The following CAMTA1 variants were observed in gnomAD, a reference collection of about 807,000 sequenced individuals.
CAMTA1 encodes calmodulin binding transcription activator 1, also known as calmodulin-binding transcription activator 1.
A neutral mutation model predicts 170.9 loss-of-function variants in CAMTA1; 27 were observed. The observed-to-expected ratio is 0.16, with a 90% CI of 0.12 to 0.22. The LOEUF is 0.22. Ranked by LOEUF, CAMTA1 falls within the 10% of genes least tolerant of loss-of-function variation. The probability of loss-of-function intolerance (pLI) is 1.00; values close to 1 mark genes in which losing one functional copy is unlikely to be tolerated. For missense variants in CAMTA1, 1,619 were observed against 2,217.2 expected, an observed-to-expected ratio of 0.73 and a Z score of 5.42; for synonymous variants, 833 against 891.5, an observed-to-expected ratio of 0.93 and a Z score of 1.17.
In CAMTA1 at chr1:7,490,294, C is replaced by T. The variant is rs143731756; in HGVS notation, c.510+22393C>T. On this transcript the variant is annotated intron_variant, in intron 6 of 22. Coordinates refer to ENST00000303635, the MANE Select transcript of CAMTA1 (RefSeq NM_015215.4). ...GCAGTTAGGAATGTGCGGTCACTGC[C>T]GCGGGCATCGATTGCCCAGAACACA... Among the ~76,000 whole-genome samples, 12 of 152,290 alleles carry T rather than the reference C, an allele frequency of 7.9e-5. No individual in the cohort carries two copies. The East Asian group carries it at 2.1e-3, about 27-fold the overall frequency.
intron 4 of CAMTA1, among the ~76,000 whole-genome samples, chr1:7,104,126 CAT>C (rs36177234): frequency 0.55 from 63,056 of 115,544 alleles, 13,983 homozygotes; most frequent in South Asian, 0.64. Context: ...ACACAACACA[CAT>C]AACTACACAC....
intron 1 of CAMTA1, among the ~76,000 whole-genome samples, chr1:6,809,029 C>CTT (rs397979031): frequency 1.2e-4 from 17 of 141,342 alleles, no homozygotes; most frequent in Non-Finnish European, 2.2e-4. Flanking sequence ...TCTTCTTTTT[C>CTT]TTTTTTTTTT....
intron 5 of CAMTA1, among the ~76,000 whole-genome samples, chr1:7,363,366 A>G (rs994359720): frequency 2.0e-5 from 3 of 151,946 alleles, no homozygotes; most frequent in African/African-American, 4.8e-5. Context: ...ATATTACTTT[A>G]TCATCTTCCC....
At chr1:6,871,765 A>T (rs564590805) in intron 3 of CAMTA1, 55 of 1,534,940 alleles carry the variant, frequency 3.6e-5, no homozygotes, top group Non-Finnish European at 4.6e-5. Context: ...AGAGATCATG[A>T]TGCAGCCGTC....
rs138936446 is a variant in CAMTA1, at chr1:7,009,171, C to G, written c.235-82133C>G. Among the ~76,000 whole-genome samples, 18 of 152,378 alleles carry G rather than the reference C, an allele frequency of 1.2e-4. No individual in the cohort carries two copies. The East Asian group carries it at 3.5e-3, about 29-fold the overall frequency. On this transcript the variant is annotated intron_variant, in intron 3 of 22. Transcript: ENST00000303635. ...CCCTTCCCTTTCTGGGCCCCGTTTA[C>G]TCCTCAGAACAAGGCAGGCTCGGAC...
chr1:6,840,384 G>C (rs557523321), intron 3 of CAMTA1, among the ~76,000 whole-genome samples: 1 of 152,316 alleles, frequency 6.6e-6, no homozygotes, highest in South Asian at 2.1e-4. Context: ...ATCTTGGTAA[G>C]AAATGACGGT....
chr1:7,389,960 G>A (rs974420480), intron 5 of CAMTA1, among the ~76,000 whole-genome samples: 1 of 152,140 alleles, frequency 6.6e-6, no homozygotes, highest in Non-Finnish European at 1.5e-5. Context: ...TGCTATTTGT[G>A]TCCCCCGCCT....
chr1:7,545,878 C>A (rs921723521), intron 6 of CAMTA1, among the ~76,000 whole-genome samples: 1 of 152,058 alleles, frequency 6.6e-6, no homozygotes, highest in Non-Finnish European at 1.5e-5. Flanking sequence ...TGTTGTCCCC[C>A]CGGACATGTC....
At chr1:7,357,346 G>C (rs892589023) in intron 5 of CAMTA1, among the ~76,000 whole-genome samples, 1 of 152,244 alleles carries the variant, frequency 6.6e-6, no homozygotes, top group African/African-American at 2.4e-5. Flanking sequence ...GGCCATCTGG[G>C]CTCCTGGTGA....
At chr1:7,335,056 A>G (rs1234785110) in intron 5 of CAMTA1, among the ~76,000 whole-genome samples, 1 of 127,188 alleles carries the variant, frequency 7.9e-6, no homozygotes, top group Non-Finnish European at 1.7e-5. Flanking sequence ...AGGCTCTGAG[A>G]CACCCCTGCT....
chr1:7,304,848 CATTT>C (rs764584656), intron 5 of CAMTA1, among the ~76,000 whole-genome samples: 9 of 151,746 alleles, frequency 5.9e-5, no homozygotes, highest in Non-Finnish European at 1.0e-4. Flanking sequence ...TTTTTCTAGA[CATTT>C]AAAAAAGTGT....
At chr1:6,953,773 T>TA (rs1273303971) in intron 3 of CAMTA1, among the ~76,000 whole-genome samples, 1 of 152,066 alleles carries the variant, frequency 6.6e-6, no homozygotes, top group African/African-American at 2.4e-5. Flanking sequence ...TTTTTTTTTT[T>TA]ATGAGCTTTC....
chr1:7,620,185 CA>C (rs2095587908), intron 6 of CAMTA1, among the ~76,000 whole-genome samples: 3 of 152,198 alleles, frequency 2.0e-5, no homozygotes, highest in Admixed American at 2.0e-4. Context: ...GATTCTCAAA[CA>C]GGGGTGATTT....
At position 7,732,328 on chromosome 1, in the gene CAMTA1, C is replaced by G. The variant is rs754253488; in HGVS notation, c.2915-120C>G. The G allele has an allele frequency of 3.8e-5, 30 of 798,572 alleles. No individual in the cohort carries two copies. The highest frequency in any genetic ancestry group is 5.9e-5 in the Non-Finnish European group (28 of 473,872). The allele number at this position is 798,572 out of a possible 1,614,324, so 49.5% of individuals were successfully genotyped here. On this transcript the variant is annotated intron_variant, in intron 11 of 22. Coordinates refer to ENST00000303635, the MANE Select transcript of CAMTA1 (RefSeq NM_015215.4). This position sits in a 1 kb window ranked among gnomAD's most constrained non-coding sequence, Gnocchi z 4.1. ...GGGGAACTCTGGCTGGCGGAGACCT[C>G]TCTGGTTTGGTGAAGTTACGGACGG...
At chr1:7,257,707 AC>A (rs1667625220) in intron 5 of CAMTA1, among the ~76,000 whole-genome samples, 1 of 102,768 alleles carries the variant, frequency 9.7e-6, no homozygotes, top group African/African-American at 4.0e-5. Flanking sequence ...TTTCAGATAA[AC>A]AACAGTTTTT....
chr1:7,284,993 G>A (rs1006225580), intron 5 of CAMTA1, among the ~76,000 whole-genome samples: 15 of 152,172 alleles, frequency 9.9e-5, no homozygotes, highest in Admixed American at 9.2e-4. Flanking sequence ...GCAGCCCTCT[G>A]GGAAACCCAT....
rs752798506 is a variant in CAMTA1 at position 7,167,042 on chromosome 1, C to G, written c.302+75671C>G. Among the ~76,000 whole-genome samples, 283 of 152,072 alleles carry G rather than the reference C, an allele frequency of 1.9e-3. 2 individuals are homozygous for G. The highest frequency in any genetic ancestry group is 3.5e-3 in the Non-Finnish European group (240 of 67,968). The stretch of plus-strand genomic sequence containing the variant: ...GCCAGACTGTTCTCAAACTCCTGAC[C>G]TCAGGTGATCCACCTGCCTCGGCCT... On this transcript the variant is annotated intron_variant, in intron 4 of 22. Transcript: ENST00000303635.
intron 7 of CAMTA1, among the ~76,000 whole-genome samples, chr1:7,655,476 T>C (rs1280882086): frequency 7.6e-6 from 1 of 131,706 alleles, no homozygotes; most frequent in African/African-American, 2.8e-5. Flanking sequence ...CACCCACCTA[T>C]ACAAACACAC....
At chr1:6,813,476 T>C (rs978213621) in intron 1 of CAMTA1, among the ~76,000 whole-genome samples, 1 of 151,782 alleles carries the variant, frequency 6.6e-6, no homozygotes, top group Non-Finnish European at 1.5e-5. Context: ...CCTACTCCTT[T>C]TAAGTTTTTT....
Sources: gnomAD v4.1 joint callset for allele counts (sites outside exome capture counted in the v4.1 genomes callset) on GRCh38, gnomAD v4.1.1 for gene constraint, Gnocchi (gnomAD v3.1) non-coding constraint, MANE v1.5 for transcripts, NCBI Gene and HGNC (gene_info 2026-07-23, HGNC 2026-07-21) for gene names.